UBE2E2: variants seen among roughly 807,000 people sequenced by gnomAD.
UBE2E2 encodes the protein ubiquitin-conjugating enzyme E2 E2.
Under a neutral mutation model 24.7 loss-of-function variants are expected in UBE2E2, and 6 were observed. The ratio of observed to expected loss-of-function variants is 0.24; its 90% CI spans 0.13 to 0.48. The LOEUF (loss-of-function observed/expected upper bound fraction) is 0.48, where lower values mean the gene tolerates loss of function less well. Ranked by LOEUF, UBE2E2 falls within the 20% of genes least tolerant of loss-of-function variation. UBE2E2 has a pLI of 0.99. For missense variants in UBE2E2, 169 were observed against 245.0 expected, an observed-to-expected ratio of 0.69 and a Z score of 2.07; for synonymous variants, 104 against 83.6, an observed-to-expected ratio of 1.24 and a Z score of -1.33.
At chr3:23,247,177 TAAA>T (rs1167798647) in intron 3 of UBE2E2, among the ~76,000 whole-genome samples, 1 of 151,974 alleles carries the variant, frequency 6.6e-6, no homozygotes, top group African/African-American at 2.4e-5. Context: ...TCCTAAATAA[TAAA>T]AAAAGTAAAA....
chr3:23,495,638 C>G lies in UBE2E2; in HGVS notation c.228-3970C>G, dbSNP rs116201069. 9.4e-3 allele frequency among the ~76,000 whole-genome samples: 1,425 copies of G among 152,236 alleles called. 9 individuals are homozygous for G. The highest frequency in any genetic ancestry group is 0.017 in the Middle Eastern group (5 of 294). ...AAGCTCTTCCTTCTGATAAGCTTAT[C>G]TATTCATATTGGGTTTAATTATAGC... On this transcript the variant is annotated intron_variant, in intron 3 of 5. Coordinates refer to ENST00000396703, the MANE Select transcript of UBE2E2 (RefSeq NM_152653.4).
chr3:23,542,994 T>C (rs1435740470), intron 5 of UBE2E2, among the ~76,000 whole-genome samples: 1 of 152,218 alleles, frequency 6.6e-6, no homozygotes, highest in East Asian at 1.9e-4. Flanking sequence ...TTGCTCTCCC[T>C]GCAGTAGTAA....
At chr3:23,552,650 A>G (rs1365369123) in intron 5 of UBE2E2, among the ~76,000 whole-genome samples, 3 of 152,170 alleles carry the variant, frequency 2.0e-5, no homozygotes, top group Non-Finnish European at 4.4e-5. Flanking sequence ...TCTTTGTACA[A>G]TCAGCTTCTT....
chr3:23,576,605 G>T (rs1696352893), intron 5 of UBE2E2, among the ~76,000 whole-genome samples: 1 of 152,112 alleles, frequency 6.6e-6, no homozygotes, highest in South Asian at 2.1e-4. Context: ...GCCTTGTGGA[G>T]TGACTGTGCT....
At chr3:23,245,628 G>T (rs1251479258) in intron 3 of UBE2E2, among the ~76,000 whole-genome samples, 1 of 152,112 alleles carries the variant, frequency 6.6e-6, no homozygotes, top group Non-Finnish European at 1.5e-5. Context: ...AGGGACCTTT[G>T]ATATCCATAG....
chr3:23,407,677 G>C lies in UBE2E2; in HGVS notation c.228-91931G>C, dbSNP rs1227805873. Among the ~76,000 whole-genome samples, 1 of 151,290 alleles carries C rather than the reference G, an allele frequency of 6.6e-6. No individual in the cohort carries two copies. The highest frequency in any genetic ancestry group is 6.6e-5 in the Admixed American group (1 of 15,162). ...TGTGTGTGTGTGTGTGTGTGTGTGTGTGTGTGTGTGTGTAGTATTTCAGAG... is the reference window on the plus strand; with the variant it reads ...TGTGTGTGTGTGTGTGTGTGTGTGTCTGTGTGTGTGTGTAGTATTTCAGAG... On this transcript the variant is annotated intron_variant, in intron 3 of 5. Transcript: ENST00000396703. The surrounding 1 kb of genome is among the most constrained non-coding windows in gnomAD (Gnocchi z 4.0).
intron 3 of UBE2E2, among the ~76,000 whole-genome samples, chr3:23,480,428 G>C (rs1448467226): frequency 6.6e-6 from 1 of 152,190 alleles, no homozygotes; most frequent in Non-Finnish European, 1.5e-5. Context: ...GCCATGGCTG[G>C]GTGGCTGCAG....
At chr3:23,249,145 C>G (rs28370926) in intron 3 of UBE2E2, among the ~76,000 whole-genome samples, 51,149 of 151,736 alleles carry the variant, frequency 0.34, 8,847 homozygotes, top group South Asian at 0.4. Flanking sequence ...GTGGCACACA[C>G]CTGTAGTCCC....
intron 5 of UBE2E2, among the ~76,000 whole-genome samples, chr3:23,533,091 C>T (rs911151498): frequency 2.0e-5 from 3 of 152,118 alleles, no homozygotes; most frequent in Admixed American, 2.0e-4. Context: ...CTGATAACAA[C>T]CAGGCAGCAC....
chr3:23,274,248 T>G (rs1698323161), intron 3 of UBE2E2, among the ~76,000 whole-genome samples: 1 of 152,230 alleles, frequency 6.6e-6, no homozygotes, highest in African/African-American at 2.4e-5. Flanking sequence ...CTCATATTGT[T>G]GAAGAAATAC....
intron 3 of UBE2E2, among the ~76,000 whole-genome samples, chr3:23,443,836 G>A (rs900875185): frequency 6.6e-6 from 1 of 152,044 alleles, no homozygotes; most frequent in Non-Finnish European, 1.5e-5. Context: ...ACGATATGAG[G>A]CCTCCATTTT....
At chr3:23,584,090 C>T (rs1696549052) in intron 5 of UBE2E2, among the ~76,000 whole-genome samples, 1 of 152,050 alleles carries the variant, frequency 6.6e-6, no homozygotes, top group Admixed American at 6.6e-5. Context: ...GAAGTATGTT[C>T]CTTCAGTGCC....
rs11356321 is a variant in UBE2E2 at position 23,589,427 on chromosome 3, G to GA, written c.509-294dup. Among the ~76,000 whole-genome samples the GA allele has an allele frequency of 1.8e-3, 251 of 137,434 alleles. No homozygotes were observed. Among genetic ancestry groups the GA allele is most frequent in the Non-Finnish European group, 2.8e-3 (173 of 61,942 alleles). 90.2% of individuals were successfully genotyped at this position (137,434 alleles called of 152,430 possible). A position where few individuals can be genotyped will look rare whatever the true frequency, so the allele number is the denominator to read the frequency against. ...GACAGAGCAACACCCTGTCTCAAAAGAAAAAAAAAAAAACCAATACGAGGG... is the reference window on the plus strand; with the variant it reads ...GACAGAGCAACACCCTGTCTCAAAAGAAAAAAAAAAAAAACCAATACGAGGG... On this transcript the variant is annotated intron_variant, in intron 5 of 5. Transcript: ENST00000396703. This position sits in a 1 kb window ranked among gnomAD's most constrained non-coding sequence, Gnocchi z 4.1.
At chr3:23,456,384 A>G (rs1400541007) in intron 3 of UBE2E2, among the ~76,000 whole-genome samples, 1 of 152,244 alleles carries the variant, frequency 6.6e-6, no homozygotes, top group East Asian at 1.9e-4. Context: ...CCATTCCACA[A>G]GATTTTCAGT....
intron 3 of UBE2E2, among the ~76,000 whole-genome samples, chr3:23,463,572 C>G (rs975077697): frequency 4.6e-5 from 7 of 152,012 alleles, no homozygotes; most frequent in Non-Finnish European, 7.4e-5. Context: ...TTCTTGGGTT[C>G]CCAGATGCTG....
At chr3:23,521,791 A>T (rs547994982) in intron 4 of UBE2E2, among the ~76,000 whole-genome samples, 4 of 152,106 alleles carry the variant, frequency 2.6e-5, no homozygotes, top group African/African-American at 9.7e-5. Context: ...TCTTCTTCCA[A>T]TGTAGCCCAG....
intron 3 of UBE2E2, among the ~76,000 whole-genome samples, chr3:23,272,401 G>A (rs1436323874): frequency 6.7e-6 from 1 of 149,260 alleles, no homozygotes; most frequent in Non-Finnish European, 1.5e-5. Flanking sequence ...ACACCTCCCC[G>A]CAAGCAGAGG....
At chr3:23,228,779 G>A (rs1575487104) in intron 3 of UBE2E2, among the ~76,000 whole-genome samples, 1 of 152,140 alleles carries the variant, frequency 6.6e-6, no homozygotes, top group Admixed American at 6.6e-5. Flanking sequence ...TTGTGTAGAG[G>A]CAGCACTTTC....
intron 3 of UBE2E2, among the ~76,000 whole-genome samples, chr3:23,253,169 G>T (rs1219208790): frequency 2.6e-5 from 4 of 152,144 alleles, no homozygotes; most frequent in East Asian, 3.9e-4. Context: ...AAATTATAAA[G>T]AAAATAATAA....
Sources: allele counts gnomAD v4.1 joint callset (sites outside exome capture counted in the v4.1 genomes callset), GRCh38; gene constraint gnomAD v4.1.1; non-coding constraint Gnocchi (gnomAD v3.1); transcripts MANE v1.5; gene names NCBI Gene and HGNC (gene_info 2026-07-23, HGNC 2026-07-21).